Variants in KIF3A observed in about 807,000 individuals in gnomAD.
KIF3A encodes the protein kinesin family member 3A.
A neutral mutation model predicts 92.6 loss-of-function variants in KIF3A; 27 were observed. The ratio of observed to expected loss-of-function variants is 0.29; its 90% CI spans 0.21 to 0.40. The LOEUF (loss-of-function observed/expected upper bound fraction) is 0.40. Ranked by LOEUF, KIF3A falls within the 10% of genes least tolerant of loss-of-function variation. The pLI is 1.00. For synonymous variants in KIF3A, 250 were observed against 275.4 expected (o/e 0.91, Z 0.92); for missense variants, 581 against 872.6 (o/e 0.67, Z 4.21).
At chr5:132,702,461 T>C (rs1186520428) in intron 14 of KIF3A, 97 bp downstream of exon 14, 4 of 742,094 alleles carry the variant, frequency 5.4e-6, no homozygotes, top group Non-Finnish European at 8.7e-6. Context: ...TTTTAAATTA[T>C]AAGCTCACAT....
At chr5:132,718,360 A>AG (rs1379976981) in intron 5 of KIF3A, among the ~76,000 whole-genome samples, 2 of 152,128 alleles carry the variant, frequency 1.3e-5, no homozygotes, top group Admixed American at 6.5e-5. Context: ...CCCAGGCTGG[A>AG]GGGCAGTGGC....
At chr5:132,698,300 G>T (rs1385384521) in intron 18 of KIF3A, among the ~76,000 whole-genome samples, 1 of 151,994 alleles carries the variant, frequency 6.6e-6, no homozygotes, top group Non-Finnish European at 1.5e-5. Context: ...AAACTGAACA[G>T]TCCTTGATGT....
downstream of KIF3A, among the ~76,000 whole-genome samples, chr5:132,691,668 T>C (rs982968656): frequency 2.6e-5 from 4 of 151,688 alleles, no homozygotes; most frequent in African/African-American, 7.3e-5. Flanking sequence ...TTTGGGAGGC[T>C]GAGGCGGGTG....
chr5:132,718,178 A>C (rs1012126758), intron 5 of KIF3A, among the ~76,000 whole-genome samples: 2 of 152,208 alleles, frequency 1.3e-5, no homozygotes, highest in East Asian at 1.9e-4. Flanking sequence ...ATGGTTTAAC[A>C]ATTTTTCACA....
chr5:132,732,179 A>G (rs1057496122), intron 2 of KIF3A, among the ~76,000 whole-genome samples: 4 of 152,272 alleles, frequency 2.6e-5, no homozygotes, highest in African/African-American at 9.6e-5. Context: ...AAGTGCTGGC[A>G]AAGATGTGAA....
intron 15 of KIF3A, 27 bp downstream of exon 15, chr5:132,702,060 A>G (rs1416744408): frequency 6.3e-7 from 1 of 1,596,164 alleles, no homozygotes; most frequent in South Asian, 1.1e-5. Flanking sequence ...TCAAGCGACT[A>G]TCTCGGTCAG....
intron 4 of KIF3A, 39 bp downstream of exon 4, chr5:132,726,089 C>G (rs546211608): frequency 7.0e-7 from 1 of 1,432,332 alleles, no homozygotes. Flanking sequence ...TATTCTATTG[C>G]TTTGGAAAAA....
At chr5:132,733,325 T>A (rs1035281668) in intron 2 of KIF3A, among the ~76,000 whole-genome samples, 2 of 152,184 alleles carry the variant, frequency 1.3e-5, no homozygotes, top group African/African-American at 4.8e-5. Context: ...TCTCTATATA[T>A]TAGTAACACA....
chr5:132,723,417 A>G (rs995442002), intron 4 of KIF3A: 1 of 152,242 alleles, frequency 6.6e-6, no homozygotes, highest in Non-Finnish European at 1.5e-5. Flanking sequence ...AGGCTACAGT[A>G]ACCAAAACAG....
At chr5:132,696,806 C>T (rs17623617) in intron 18 of KIF3A, 124 bp from the exon 19 acceptor site, 7,533 of 667,874 alleles carry the variant, frequency 0.011, 194 homozygotes, top group East Asian at 0.088. Context: ...AAATTTGACA[C>T]GTTTGACCAT....
chr5:132,707,438 T>C (rs1753253522), intron 10 of KIF3A, among the ~76,000 whole-genome samples: 1 of 152,192 alleles, frequency 6.6e-6, no homozygotes. Flanking sequence ...CTTCTTGAAT[T>C]GAACAAAGTA....
At chr5:132,700,962 GAATGA>G (rs1753015848) in intron 15 of KIF3A, among the ~76,000 whole-genome samples, 1 of 152,130 alleles carries the variant, frequency 6.6e-6, no homozygotes, top group Non-Finnish European at 1.5e-5. Context: ...AGAGGCAAAG[GAATGA>G]AATAAGGGAA....
At position 132,696,532 on chromosome 5, in the gene KIF3A, C is replaced by A; in HGVS notation, c.*102G>T. On this transcript the variant is annotated 3_prime_UTR_variant, in exon 19 of 19. Transcript: ENST00000403231. ...GTCTTATTCATTGATCTACAACTTC[C>A]ATTAATTGAAATTATAGAGAAGTCT... 1.4e-6 allele frequency: 1 copy of A among 716,018 alleles called. No individual in the cohort carries two copies. Among genetic ancestry groups the A allele is most frequent in the Non-Finnish European group, 2.5e-6 (1 of 403,582 alleles). 44.4% of individuals were successfully genotyped at this position (716,018 alleles called of 1,614,324 possible).
At position 132,734,432 on chromosome 5, in the gene KIF3A, A is replaced by C. The variant is rs936487672; in HGVS notation, c.53T>G (p.Val18Gly). ...KPESCDNVKV[V>G]VRCRPLNERE... ...CTCATTGAGGGGCCGGCACCTAACA[A>C]CAACCTTCACATTATCGCAGCTTTC... Residue 18 changes from valine to glycine, a missense_variant, in exon 2 of 19, where the codon GTT becomes GGT. Transcript: ENST00000403231. 3 of 1,614,018 alleles carry C rather than the reference A, an allele frequency of 1.9e-6. No homozygotes were observed. The highest frequency in any genetic ancestry group is 2.5e-6 in the Non-Finnish European group (3 of 1,179,978).
intron 15 of KIF3A, among the ~76,000 whole-genome samples, chr5:132,700,918 T>C (rs984584464): frequency 6.6e-6 from 1 of 152,112 alleles, no homozygotes; most frequent in African/African-American, 2.4e-5. Flanking sequence ...AATGAGAAAC[T>C]TGGGAATCAA....
chr5:132,709,460 A>C (rs964119392), intron 9 of KIF3A, among the ~76,000 whole-genome samples: 3 of 152,200 alleles, frequency 2.0e-5, no homozygotes, highest in Non-Finnish European at 4.4e-5. Context: ...AAAATATCAA[A>C]CTATCAAATA....
chr5:132,730,533 T>A (rs1754193435), intron 2 of KIF3A, among the ~76,000 whole-genome samples: 1 of 151,134 alleles, frequency 6.6e-6, no homozygotes, highest in Admixed American at 6.6e-5. Context: ...ATGTCTGTAA[T>A]CCCAGTGCTT....
At chr5:132,706,404 T>G (rs1257818381) in intron 11 of KIF3A, 47 bp downstream of exon 11, 1 of 1,419,996 alleles carries the variant, frequency 7.0e-7, no homozygotes, top group African/African-American at 1.5e-5. Flanking sequence ...TAGTTCTTTA[T>G]AGGATAAATA....
chr5:132,691,963 A>C (rs1377778300), downstream of KIF3A, among the ~76,000 whole-genome samples: 1 of 150,054 alleles, frequency 6.7e-6, no homozygotes, highest in Non-Finnish European at 1.5e-5. Context: ...AATAAAATTT[A>C]AAATAAAATA....
Sources: gnomAD v4.1 joint callset for allele counts (sites outside exome capture counted in the v4.1 genomes callset) on GRCh38, gnomAD v4.1.1 for gene constraint, MANE v1.5 for transcripts, NCBI Gene and HGNC (gene_info 2026-07-23, HGNC 2026-07-21) for gene names.